MACROH2A2: variants seen among roughly 807,000 people sequenced by gnomAD.
MACROH2A2 encodes the protein macroH2A.2 histone.
A neutral mutation model predicts 37.6 loss-of-function variants in MACROH2A2; 6 were observed. That is an observed-to-expected ratio of 0.16 (90% CI 0.09 to 0.32). MACROH2A2 has a LOEUF of 0.32. MACROH2A2 is among the 10% of genes least tolerant of loss of function. The pLI is 1.00. For synonymous variants in MACROH2A2, 192 were observed against 202.7 expected (o/e 0.95, Z 0.45); for missense variants, 290 against 485.9 (o/e 0.60, Z 3.79).
At chr10:70,081,217 G>A (rs2072174667) in intron 2 of MACROH2A2, among the ~76,000 whole-genome samples, 1 of 152,070 alleles carries the variant, frequency 6.6e-6, no homozygotes, top group Non-Finnish European at 1.5e-5. Flanking sequence ...TGATGTTACT[G>A]TGAGGATTAC....
intron 1 of MACROH2A2, among the ~76,000 whole-genome samples, chr10:70,058,058 T>C (rs1166515282): frequency 1.3e-5 from 2 of 152,232 alleles, no homozygotes; most frequent in African/African-American, 4.8e-5. Context: ...CTCAGCTTAA[T>C]GTTTGTGTAG....
intron 1 of MACROH2A2, among the ~76,000 whole-genome samples, chr10:70,069,245 A>G (rs1349443430): frequency 6.6e-6 from 1 of 152,196 alleles, no homozygotes; most frequent in Non-Finnish European, 1.5e-5. Flanking sequence ...CCTCTTCCCC[A>G]GCACACACAA....
chr10:70,100,528 C>T (rs1012006527), intron 7 of MACROH2A2, among the ~76,000 whole-genome samples: 1 of 152,008 alleles, frequency 6.6e-6, no homozygotes, highest in African/African-American at 2.4e-5. Context: ...TCAGATCCCC[C>T]AAAATGGTCT....
intron 1 of MACROH2A2, among the ~76,000 whole-genome samples, chr10:70,065,019 ATTCTTTTTTTTT>A (rs1036355463): frequency 6.7e-5 from 10 of 148,890 alleles, no homozygotes; most frequent in South Asian, 2.1e-4. Flanking sequence ...CTTGTCCTTC[ATTCTTTTTTTTT>A]TTCTTTTTTT....
chr10:70,067,758 TGAC>T (rs1306913038), intron 1 of MACROH2A2, among the ~76,000 whole-genome samples: 2 of 152,092 alleles, frequency 1.3e-5, no homozygotes, highest in Non-Finnish European at 2.9e-5. Flanking sequence ...CATATGATGA[TGAC>T]ATGAGAGATA....
At chr10:70,088,156 TACA>T (rs1304890031) in intron 2 of MACROH2A2, among the ~76,000 whole-genome samples, 156 of 146,818 alleles carry the variant, frequency 1.1e-3, no homozygotes, top group Middle Eastern at 3.5e-3. Context: ...ACACACACAG[TACA>T]TTCACGCACA....
intron 7 of MACROH2A2, among the ~76,000 whole-genome samples, chr10:70,102,812 C>T (rs1426656303): frequency 2.0e-5 from 3 of 152,120 alleles, no homozygotes; most frequent in Non-Finnish European, 1.5e-5. Context: ...CCCACTACTC[C>T]CCACAGGCAA....
intron 2 of MACROH2A2, among the ~76,000 whole-genome samples, chr10:70,080,365 G>A (rs2072168816): frequency 6.6e-6 from 1 of 152,102 alleles, no homozygotes; most frequent in South Asian, 2.1e-4. Context: ...TGTACCTGAA[G>A]TAGGGAGCAA....
chr10:70,070,396 G>A (rs1434425512), intron 1 of MACROH2A2, among the ~76,000 whole-genome samples: 1 of 152,092 alleles, frequency 6.6e-6, no homozygotes, highest in East Asian at 1.9e-4. Context: ...TTACATTTAG[G>A]TACTTTTTTA....
At chr10:70,093,005 CTT>C in intron 4 of MACROH2A2, among the ~76,000 whole-genome samples, 1 of 145,178 alleles carries the variant, frequency 6.9e-6, no homozygotes, top group African/African-American at 2.5e-5. Flanking sequence ...TCACATGTGG[CTT>C]TTTTTTTTTA....
intron 2 of MACROH2A2, among the ~76,000 whole-genome samples, chr10:70,081,771 A>G (rs556091638): frequency 6.6e-6 from 1 of 152,292 alleles, no homozygotes; most frequent in East Asian, 1.9e-4. Context: ...GATCTTATGA[A>G]TGAATGAAAT....
Position 70,070,009 on chromosome 10 carries a change from G to A in MACROH2A2, c.-59-5591G>A, listed in dbSNP as rs150302581. Among the ~76,000 whole-genome samples the A allele has an allele frequency of 3.9e-5, 6 of 152,258 alleles. No individual in the cohort carries two copies. In the East Asian group the frequency reaches 5.8e-4, roughly 15 times the overall value. The stretch of plus-strand genomic sequence containing the variant: ...CCCCAGAGGCTCAGCACTTCCTCCC[G>A]TCGGTGGGCTCTGGTAGATGTAACA... On this transcript the variant is annotated intron_variant, in intron 1 of 8. Transcript: ENST00000373255.
intron 7 of MACROH2A2, among the ~76,000 whole-genome samples, chr10:70,106,654 C>T (rs1455455047): frequency 7.9e-5 from 12 of 151,748 alleles, no homozygotes; most frequent in Middle Eastern, 3.4e-3. Context: ...AAAAATTAGC[C>T]GGGCATGGTG....
intron 4 of MACROH2A2, among the ~76,000 whole-genome samples, chr10:70,093,483 G>A (rs1564546101): frequency 1.3e-5 from 2 of 152,238 alleles, no homozygotes; most frequent in African/African-American, 4.8e-5. Context: ...ATGTGCTGGT[G>A]CACAGGGGTA....
intron 1 of MACROH2A2, among the ~76,000 whole-genome samples, chr10:70,066,670 C>T (rs1306307539): frequency 6.6e-6 from 1 of 152,156 alleles, no homozygotes; most frequent in African/African-American, 2.4e-5. Flanking sequence ...AAAATATGGT[C>T]CACGTTCCTA....
rs745850533 is a variant in MACROH2A2, at chr10:70,091,742, C to T, written c.280-15C>T. 3.1e-6 allele frequency: 5 copies of T among 1,591,954 alleles called. No homozygotes were observed. The East Asian group carries it at 1.1e-4, about 36-fold the overall frequency. On this transcript the variant is annotated splice_polypyrimidine_tract_variant and intron_variant, in intron 3 of 8. Transcript: ENST00000373255. ...AGGCTGTTTGCTACATGAGCGCATG[C>T]ATTTCTCTCTTCAGCTGCTAAAAGG...
At chr10:70,096,086 C>T (rs937508950) in intron 6 of MACROH2A2, among the ~76,000 whole-genome samples, 10 of 152,196 alleles carry the variant, frequency 6.6e-5, no homozygotes, top group Admixed American at 3.9e-4. Context: ...CTCAGCCCCA[C>T]TCCCAGTCAG....
chr10:70,078,861 T>G lies in MACROH2A2; in HGVS notation c.172+3031T>G, dbSNP rs186036312. On this transcript the variant is annotated intron_variant, in intron 2 of 8. Coordinates refer to ENST00000373255, the MANE Select transcript of MACROH2A2 (RefSeq NM_018649.3). ...GGGGATTTTAGTCTGTTTTTTGGTTTGTTTGTTTTTTAAAGAGGTATCCAT... is the reference window on the plus strand; with the variant it reads ...GGGGATTTTAGTCTGTTTTTTGGTTGGTTTGTTTTTTAAAGAGGTATCCAT... Among the ~76,000 whole-genome samples the G allele has an allele frequency of 4.2e-3, 610 of 144,022 alleles. 22 individuals carry two copies. The East Asian group carries it at 0.086, about 20-fold the overall frequency. 94.5% of individuals were successfully genotyped at this position (144,022 alleles called of 152,430 possible).
intron 1 of MACROH2A2, among the ~76,000 whole-genome samples, chr10:70,054,520 C>A (rs1310248717): frequency 1.3e-5 from 2 of 152,162 alleles, no homozygotes; most frequent in Non-Finnish European, 2.9e-5. Context: ...GTTTTGAAAT[C>A]CAATTGTCAC....
Sources: gnomAD v4.1 joint callset for allele counts (sites outside exome capture counted in the v4.1 genomes callset) on GRCh38, gnomAD v4.1.1 for gene constraint, MANE v1.5 for transcripts, NCBI Gene and HGNC (gene_info 2026-07-23, HGNC 2026-07-21) for gene names.